The following PLA2G5 variants were observed in gnomAD, a reference collection of about 807,000 sequenced individuals.
The protein encoded by PLA2G5 is phospholipase A2 group V.
In PLA2G5, 12 loss-of-function variants were observed where a neutral mutation model predicts 15.9. The observed-to-expected ratio is 0.76, with a 90% CI of 0.48 to 1.23. The LOEUF (loss-of-function observed/expected upper bound fraction) is 1.23, where lower values mean the gene tolerates loss of function less well. Among genes scored for constraint, PLA2G5 ranks in the 50% most tolerant of loss-of-function variants. The probability of loss-of-function intolerance (pLI) is 0.00; values close to 1 mark genes in which losing one functional copy is unlikely to be tolerated. For missense variants in PLA2G5, 169 were observed against 177.1 expected (o/e 0.95, Z 0.26); for synonymous variants, 71 against 71.4 (o/e 0.99, Z 0.03).
At chr1:20,069,975 G>T (rs1187505049), upstream of PLA2G5, among the ~76,000 whole-genome samples, 1 of 152,124 alleles carries the variant, frequency 6.6e-6, no homozygotes, top group African/African-American at 2.4e-5. Flanking sequence ...TAAGCAGGCT[G>T]TCAGAGCCTT....
At chr1:20,072,029 A>G (rs2015401028) in intron 1 of PLA2G5, among the ~76,000 whole-genome samples, 1 of 151,940 alleles carries the variant, frequency 6.6e-6, no homozygotes, top group South Asian at 2.1e-4. Flanking sequence ...AATTGCTTGA[A>G]CCCAGGTGGC....
chr1:20,085,798 T>A (rs1317316858), intron 2 of PLA2G5, among the ~76,000 whole-genome samples: 1 of 152,148 alleles, frequency 6.6e-6, no homozygotes, highest in Non-Finnish European at 1.5e-5. Flanking sequence ...GGGGTCCCCG[T>A]TTTCCAGGGG....
intron 1 of PLA2G5, among the ~76,000 whole-genome samples, chr1:20,039,328 G>C (rs1380517211): frequency 1.3e-5 from 2 of 152,184 alleles, no homozygotes; most frequent in Admixed American, 1.3e-4. Context: ...TAGCCTCTGA[G>C]CAGTGGAAGG....
At chr1:20,056,865 G>T (rs969387569) in intron 1 of PLA2G5, among the ~76,000 whole-genome samples, 7 of 152,102 alleles carry the variant, frequency 4.6e-5, no homozygotes, top group East Asian at 1.9e-4. Flanking sequence ...ATTTTAGAAG[G>T]TTATTAATTA....
chr1:20,077,293 G>A (rs1054497895), intron 1 of PLA2G5, among the ~76,000 whole-genome samples: 3 of 152,166 alleles, frequency 2.0e-5, no homozygotes, highest in African/African-American at 7.2e-5. Flanking sequence ...CTGTTTTGAG[G>A]GGACAGTGAG....
At position 20,032,469 on chromosome 1, in the gene PLA2G5, G is replaced by T. The variant is rs186216835; in HGVS notation, n.276+3760G>T. On this transcript the variant is annotated intron_variant and non_coding_transcript_variant, in intron 1 of 6. Coordinates refer to the PLA2G5 transcript ENST00000460175. ...GGGGTCATGTGAGTGAAGTTGATTT[G>T]CCAGTCAGTCTTGCCCTGGCAGGTG... is the stretch of plus-strand genomic sequence containing the variant. 4.1e-4 allele frequency among the ~76,000 whole-genome samples: 62 copies of T among 151,754 alleles called. 2 individuals are homozygous for T. The highest frequency in any genetic ancestry group is 7.4e-4 in the Non-Finnish European group (50 of 67,938).
intron 1 of PLA2G5, among the ~76,000 whole-genome samples, chr1:20,040,151 T>A (rs969594394): frequency 3.3e-4 from 50 of 152,196 alleles, no homozygotes; most frequent in Admixed American, 3.2e-3. Flanking sequence ...ATTTAGAAAG[T>A]TTATTTTGCT....
chr1:20,086,085 G>A lies in PLA2G5; in HGVS notation c.43G>A (p.Val15Met), dbSNP rs762881471. 6.2e-7 allele frequency: 1 copy of A among 1,613,988 alleles called. No individual in the cohort carries two copies. Among genetic ancestry groups the A allele is most frequent in the African/African-American group, 1.3e-5 (1 of 74,928 alleles). Residue 15 changes from valine (V) to methionine (M), a missense_variant and splice_region_variant, in exon 3 of 5, where the codon GTG becomes ATG. By Grantham distance (21) the Val-to-Met change is conservative. Transcript: ENST00000375108. ...TGGGGACATGGGCTATCTTCCAGGT[G>A]TGCCTGCTGTGCAAGGAGGCTTGCT... ...LPLAWFLACS[V>M]PAVQGGLLDL...
intron 1 of PLA2G5, among the ~76,000 whole-genome samples, chr1:20,044,782 T>C (rs2013804227): frequency 2.0e-5 from 3 of 151,934 alleles, no homozygotes; most frequent in Admixed American, 2.0e-4. Context: ...TGGAGCCTGA[T>C]TCAGCCTGGC....
At chr1:20,068,966 A>C, upstream of PLA2G5, 1 of 1,286,554 alleles carries the variant, frequency 7.8e-7, no homozygotes, top group South Asian at 1.2e-5. Flanking sequence ...GTTAGGACAA[A>C]GAGGCCCAGA....
At chr1:20,042,973 G>A (rs2013695888) in intron 1 of PLA2G5, among the ~76,000 whole-genome samples, 1 of 152,140 alleles carries the variant, frequency 6.6e-6, no homozygotes. Flanking sequence ...ATTCAATAAG[G>A]TGAGAAGCAG....
chr1:20,065,152 T>A (rs1443217343), intron 2 of PLA2G5, among the ~76,000 whole-genome samples: 1 of 152,226 alleles, frequency 6.6e-6, no homozygotes, highest in African/African-American at 2.4e-5. Flanking sequence ...TAGATTTACA[T>A]AAGAATTGTA....
chr1:20,079,531 G>C (rs1557750445), intron 1 of PLA2G5, among the ~76,000 whole-genome samples: 1 of 152,136 alleles, frequency 6.6e-6, no homozygotes, highest in African/African-American at 2.4e-5. Context: ...CATTAATAGA[G>C]ACAGGGGCTT....
At chr1:20,078,264 G>A (rs530545800) in intron 1 of PLA2G5, among the ~76,000 whole-genome samples, 14 of 152,322 alleles carry the variant, frequency 9.2e-5, no homozygotes, top group South Asian at 2.1e-4. Context: ...AGGCAGTGAA[G>A]GGTTCAGAGT....
chr1:20,073,073 A>G (rs2015472176), intron 1 of PLA2G5, among the ~76,000 whole-genome samples: 1 of 152,208 alleles, frequency 6.6e-6, no homozygotes, highest in Non-Finnish European at 1.5e-5. Flanking sequence ...CTTGGGCACC[A>G]TCTGTGATCT....
chr1:20,087,532 G>T (rs758749294), intron 3 of PLA2G5, among the ~76,000 whole-genome samples: 1 of 126,194 alleles, frequency 7.9e-6, no homozygotes, highest in African/African-American at 2.9e-5. Context: ...TAGCATATAC[G>T]TTTTTTTTTT....
At chr1:20,053,229 T>G (rs2014263460) in intron 1 of PLA2G5, among the ~76,000 whole-genome samples, 1 of 152,204 alleles carries the variant, frequency 6.6e-6, no homozygotes, top group South Asian at 2.1e-4. Context: ...TTTATAACTC[T>G]TTTATCTGAC....
chr1:20,043,958 AAGCTG>A (rs1297889772), intron 1 of PLA2G5, among the ~76,000 whole-genome samples: 1 of 152,208 alleles, frequency 6.6e-6, no homozygotes, highest in East Asian at 1.9e-4. Flanking sequence ...TTCAGCCACT[AAGCTG>A]AGCAGATCTG....
At chr1:20,041,556 C>T (rs1353273322) in intron 1 of PLA2G5, among the ~76,000 whole-genome samples, 1 of 152,026 alleles carries the variant, frequency 6.6e-6, no homozygotes, top group Admixed American at 6.6e-5. Flanking sequence ...CTGAACAATC[C>T]CTGGGGAGTA....
Sources: allele counts gnomAD v4.1 joint callset (sites outside exome capture counted in the v4.1 genomes callset), GRCh38; gene constraint gnomAD v4.1.1; transcripts MANE v1.5; gene names NCBI Gene and HGNC (gene_info 2026-07-23, HGNC 2026-07-21).